Variants in SLC5A10 observed in about 807,000 individuals in gnomAD.
SLC5A10 encodes solute carrier family 5 member 10.
Under a neutral mutation model 68.9 loss-of-function variants are expected in SLC5A10, and 55 were observed. That is an observed-to-expected ratio of 0.80 (90% CI 0.64 to 1.00). The LOEUF (loss-of-function observed/expected upper bound fraction) is 1.00, where lower values mean the gene tolerates loss of function less well. SLC5A10 is among the 50% of genes least tolerant of loss of function. The pLI is 0.00. For synonymous variants in SLC5A10, 344 were observed against 344.8 expected, an observed-to-expected ratio of 1.00 and a Z score of 0.02; for missense variants, 732 against 819.3, an observed-to-expected ratio of 0.89 and a Z score of 1.30.
At chr17:18,963,167 T>C (rs1320789445) in intron 5 of SLC5A10, among the ~76,000 whole-genome samples, 3 of 152,048 alleles carry the variant, frequency 2.0e-5, no homozygotes, top group Non-Finnish European at 4.4e-5. Context: ...GAGCTGACTC[T>C]CCAAAAATAA....
intron 9 of SLC5A10, chr17:18,978,476 G>A (rs777094871): frequency 6.2e-7 from 1 of 1,611,580 alleles, no homozygotes; most frequent in South Asian, 1.1e-5. Flanking sequence ...AAGCAGTCCT[G>A]GGTGGATGGG....
Position 18,971,376 on chromosome 17 carries a change from C to G in SLC5A10, c.846+158C>G, listed in dbSNP as rs62076172. On this transcript the variant is annotated intron_variant, in intron 8 of 14. Coordinates refer to ENST00000395645, the MANE Select transcript of SLC5A10 (RefSeq NM_001042450.4). This position sits in a 1 kb window ranked among gnomAD's most constrained non-coding sequence, Gnocchi z 5.5. ...ACATGCTGCTAGGGGTCTTTGCGGT[C>G]CCGGGGGGCTTGAGCCCTCCGTTTA... 6.3e-7 allele frequency: 1 copy of G among 1,584,864 alleles called. No homozygotes were observed. Among genetic ancestry groups the G allele is most frequent in the Non-Finnish European group, 8.6e-7 (1 of 1,169,244 alleles).
intron 1 of SLC5A10, among the ~76,000 whole-genome samples, chr17:18,957,594 T>G (rs1362603048): frequency 2.6e-5 from 4 of 152,032 alleles, no homozygotes; most frequent in Non-Finnish European, 5.9e-5. Flanking sequence ...GCCTCCCGAG[T>G]AGCTGGGACT....
chr17:18,960,526 C>G, intron 4 of SLC5A10, 22 bp from the exon 5 acceptor site: 1 of 1,608,332 alleles, frequency 6.2e-7, no homozygotes. Flanking sequence ...GATGCTTAGC[C>G]CCTACCCATG....
intron 7 of SLC5A10, 165 bp from the exon 8 acceptor site, chr17:18,970,848 C>A (rs1473126190): frequency 6.1e-5 from 36 of 590,120 alleles, no homozygotes; most frequent in South Asian, 1.3e-4. Context: ...AAAAAAAAAA[C>A]AACCCTCTAC....
intron 5 of SLC5A10, among the ~76,000 whole-genome samples, chr17:18,963,703 G>A (rs1334207234): frequency 1.3e-5 from 2 of 152,254 alleles, no homozygotes; most frequent in Non-Finnish European, 2.9e-5. Flanking sequence ...TAGGGTGCCT[G>A]CTGCCATCCC....
chr17:19,017,393 T>C lies in SLC5A10; in HGVS notation c.1242-2030T>C. ...CCTAGGCCTCGTGGTCATGGATCTC[T>C]GGTAGGGTGAATGGCCTGACAACAG... is the stretch of plus-strand genomic sequence containing the variant. On this transcript the variant is annotated intron_variant, in intron 11 of 14. Coordinates refer to ENST00000395645, the MANE Select transcript of SLC5A10 (RefSeq NM_001042450.4). The surrounding 1 kb of genome is among the most constrained non-coding windows in gnomAD (Gnocchi z 5.6). 6.4e-7 allele frequency: 1 copy of C among 1,551,310 alleles called. No homozygotes were observed. Among genetic ancestry groups the C allele is most frequent in the African/African-American group, 1.4e-5 (1 of 73,144 alleles).
intron 9 of SLC5A10, among the ~76,000 whole-genome samples, chr17:18,993,695 G>A (rs1251892471): frequency 2.0e-5 from 3 of 152,154 alleles, no homozygotes; most frequent in Non-Finnish European, 4.4e-5. Context: ...GAGAAGTGCC[G>A]GGGGTGGACA....
chr17:19,008,837 G>A (rs892281842), intron 9 of SLC5A10, among the ~76,000 whole-genome samples: 5 of 144,116 alleles, frequency 3.5e-5, no homozygotes, highest in African/African-American at 1.3e-4. Flanking sequence ...TTTTGAGATA[G>A]CGTCTTGCTG....
At chr17:18,984,660 T>C (rs2043224660) in intron 9 of SLC5A10, among the ~76,000 whole-genome samples, 1 of 152,224 alleles carries the variant, frequency 6.6e-6, no homozygotes, top group Admixed American at 6.5e-5. Context: ...GGCCCAGGCA[T>C]CTCATGGCTC....
rs541213709 is a variant in SLC5A10 at position 18,996,185 on chromosome 17, T to C, written c.983-17225T>C. On this transcript the variant is annotated intron_variant, in intron 9 of 14. Coordinates refer to ENST00000395645, the MANE Select transcript of SLC5A10 (RefSeq NM_001042450.4). The surrounding 1 kb of genome is among the most constrained non-coding windows in gnomAD (Gnocchi z 4.4). ...ATTTTATACCCAGTAAAAATACATT[T>C]CAAAACAAAAGGCAAACTAAAGACT... Among the ~76,000 whole-genome samples, 70 of 151,746 alleles carry C rather than the reference T, an allele frequency of 4.6e-4. No homozygotes were observed. The highest frequency in any genetic ancestry group is 1.6e-3 in the African/African-American group (66 of 41,358).
At chr17:18,956,032 TA>T (rs1346073975) in intron 1 of SLC5A10, among the ~76,000 whole-genome samples, 1 of 151,824 alleles carries the variant, frequency 6.6e-6, no homozygotes, top group Non-Finnish European at 1.5e-5. Flanking sequence ...CCATCTCTAC[TA>T]AAAATACAAA....
chr17:18,970,836 T>C, intron 7 of SLC5A10, 177 bp from the exon 8 acceptor site: 1 of 508,320 alleles, frequency 2.0e-6, no homozygotes, highest in Non-Finnish European at 3.5e-6. Flanking sequence ...AAATACACCT[T>C]AAAAAAAAAA....
chr17:18,979,714 C>A (rs1181470514), intron 9 of SLC5A10: 1 of 1,609,570 alleles, frequency 6.2e-7, no homozygotes, highest in Non-Finnish European at 8.5e-7. Flanking sequence ...CGACTGCAAC[C>A]CTGACCACAC....
At chr17:18,984,332 CAA>C (rs1176935676) in intron 9 of SLC5A10, among the ~76,000 whole-genome samples, 1 of 68,004 alleles carries the variant, frequency 1.5e-5, no homozygotes, top group Non-Finnish European at 3.0e-5. Context: ...GACTCCCTCT[CAA>C]AAAAAAAAAA....
At position 18,984,168 on chromosome 17, in the gene SLC5A10, C is replaced by T. The variant is rs988887882; in HGVS notation, c.982+7179C>T. Among the ~76,000 whole-genome samples the T allele has an allele frequency of 6.6e-5, 10 of 152,038 alleles. No homozygotes were observed. The East Asian group carries it at 9.7e-4, about 15-fold the overall frequency. On this transcript the variant is annotated intron_variant, in intron 9 of 14. Coordinates refer to ENST00000395645, the MANE Select transcript of SLC5A10 (RefSeq NM_001042450.4). Reference sequence around the variant, plus strand: ...CCATCCTGGCTAACACGGTGAAACCCCATCTCTACTAAAAATACAAAAAAT... The same window carrying T: ...CCATCCTGGCTAACACGGTGAAACCTCATCTCTACTAAAAATACAAAAAAT...
intron 9 of SLC5A10, among the ~76,000 whole-genome samples, chr17:19,010,195 G>A (rs2152149146): frequency 6.6e-6 from 1 of 152,240 alleles, no homozygotes; most frequent in African/African-American, 2.4e-5. Flanking sequence ...GCTTGCAGGG[G>A]GAGTGGATTA....
rs767524784 is a variant in SLC5A10 at position 19,022,023 on chromosome 17, C to T, written c.*1592C>T. The T allele has an allele frequency of 1.3e-5, 21 of 1,599,176 alleles. No individual in the cohort carries two copies. Among genetic ancestry groups the T allele is most frequent in the South Asian group, 6.7e-5 (6 of 88,992 alleles). On this transcript the variant is annotated 3_prime_UTR_variant, in exon 15 of 15. Transcript: ENST00000395645. ...GCCAACGCGCCCGCAGGACCGGCCCCGCCACCAGTGGGGGTCTGGGCGCTC... is the reference window on the plus strand; with the variant it reads ...GCCAACGCGCCCGCAGGACCGGCCCTGCCACCAGTGGGGGTCTGGGCGCTC...
At chr17:18,973,884 GTTTTTTTTTTTT>G (rs35778801) in intron 8 of SLC5A10, among the ~76,000 whole-genome samples, 1 of 95,740 alleles carries the variant, frequency 1.0e-5, no homozygotes, top group Admixed American at 1.4e-4. Context: ...TTTTTTTTAA[GTTTTTTTTTTTT>G]TTTTTTTTTT....
Sources: allele counts gnomAD v4.1 joint callset (sites outside exome capture counted in the v4.1 genomes callset), GRCh38; gene constraint gnomAD v4.1.1; non-coding constraint Gnocchi (gnomAD v3.1); transcripts MANE v1.5; gene names NCBI Gene and HGNC (gene_info 2026-07-23, HGNC 2026-07-21).